CACYBP: variants seen among roughly 807,000 people sequenced by gnomAD.
CACYBP encodes the protein calcyclin-binding protein.
Under a neutral mutation model 29.6 loss-of-function variants are expected in CACYBP, and 11 were observed. The observed-to-expected ratio is 0.37, with a 90% CI of 0.23 to 0.61. The LOEUF is 0.61. CACYBP is among the 20% of genes least tolerant of loss of function. The pLI, the probability that CACYBP is intolerant of heterozygous loss-of-function variation, is 0.65. For missense variants in CACYBP, 163 were observed against 260.7 expected (o/e 0.63, Z 2.58); for synonymous variants, 73 against 88.3 (o/e 0.83, Z 0.97).
chr1:175,000,502 C>G (rs1672446908), intron 1 of CACYBP: 1 of 1,296,042 alleles, frequency 7.7e-7, no homozygotes, highest in South Asian at 1.8e-5. Context: ...TCCTCAGGCC[C>G]TTTCTGCCCT....
chr1:175,000,230 C>CA lies in CACYBP; in HGVS notation c.15+35_15+36insA, dbSNP rs759977392. On this transcript the variant is annotated intron_variant, in intron 1 of 5. Transcript: ENST00000367679. ...CCGGCCCCATATTCCTTATGCCCCCCGGCTGGAGCTGCAGCGCCAGCCTCC... is the reference window on the plus strand; with the variant it reads ...CCGGCCCCATATTCCTTATGCCCCCCAGGCTGGAGCTGCAGCGCCAGCCTCC... 5.0e-6 allele frequency: 8 copies of CA among 1,588,196 alleles called. No homozygotes were observed. In the East Asian group the frequency reaches 1.6e-4, roughly 33 times the overall value.
intron 4 of CACYBP, 26 bp from the exon 5 acceptor site, chr1:175,008,583 T>C (rs753947654): frequency 1.0e-6 from 1 of 1,002,606 alleles, no homozygotes; most frequent in South Asian, 1.3e-5. Context: ...TTCTAAGCTG[T>C]ATTTGTTTTC....
Position 175,010,238 on chromosome 1 carries a change from A to G in CACYBP, c.*159A>G, listed in dbSNP as rs1672716598. 1.7e-6 allele frequency: 1 copy of G among 580,454 alleles called. No homozygotes were observed. Among genetic ancestry groups the G allele is most frequent in the African/African-American group, 1.9e-5 (1 of 52,864 alleles). 36.0% of individuals were successfully genotyped at this position (580,454 alleles called of 1,614,324 possible). ...TTCTCCATTTCCTACTGGAGGATTT[A>G]TTTAAATAAAATATGCTTATTAAAC... On this transcript the variant is annotated 3_prime_UTR_variant, in exon 6 of 6. Coordinates refer to ENST00000367679, the MANE Select transcript of CACYBP (RefSeq NM_014412.3).
At chr1:175,000,218 C>G (rs558987623) in intron 1 of CACYBP, 23 bp downstream of exon 1, 1 of 1,598,826 alleles carries the variant, frequency 6.3e-7, no homozygotes. Context: ...GCCCCATATT[C>G]CTTATGCCCC....
chr1:175,010,325 C>G lies in CACYBP; in HGVS notation c.*246C>G. 1 of 291,250 alleles carries G rather than the reference C, an allele frequency of 3.4e-6. No individual in the cohort carries two copies. The highest frequency in any genetic ancestry group is 6.3e-6 in the Non-Finnish European group (1 of 158,364). The allele number at this position is 291,250 out of a possible 1,614,324, so 18.0% of individuals were successfully genotyped here. A position where few individuals can be genotyped will look rare whatever the true frequency, so the allele number is the denominator to read the frequency against. Reference sequence around the variant, plus strand: ...TTTTGTTCAAGGAAGGGTTATATTGCATTCTCACGTGAAATATAAAAAGCA... The same window carrying G: ...TTTTGTTCAAGGAAGGGTTATATTGGATTCTCACGTGAAATATAAAAAGCA... On this transcript the variant is annotated 3_prime_UTR_variant, in exon 6 of 6. Coordinates refer to ENST00000367679, the MANE Select transcript of CACYBP (RefSeq NM_014412.3).
chr1:175,001,732 A>G (rs1295882192), intron 1 of CACYBP, among the ~76,000 whole-genome samples: 1 of 152,106 alleles, frequency 6.6e-6, no homozygotes, highest in Admixed American at 6.5e-5. Context: ...TCATCCGTTT[A>G]TGGACATTTA....
At chr1:175,002,230 AT>A (rs1672510997) in intron 1 of CACYBP, among the ~76,000 whole-genome samples, 1 of 152,184 alleles carries the variant, frequency 6.6e-6, no homozygotes, top group South Asian at 2.1e-4. Context: ...CCTGTAAGAA[AT>A]GTTTGAAGCT....
chr1:175,008,552 A>C, intron 4 of CACYBP, 57 bp from the exon 5 acceptor site: 1 of 822,422 alleles, frequency 1.2e-6, no homozygotes, highest in South Asian at 1.4e-5. Context: ...TTTTATAAAT[A>C]TTCATGCTTA....
upstream of CACYBP, chr1:174,999,945 T>C: frequency 1.7e-6 from 1 of 586,746 alleles, no homozygotes; most frequent in Non-Finnish European, 2.9e-6. Flanking sequence ...GGAGCCAGGC[T>C]TGGCGGGCTG....
chr1:175,009,148 A>G (rs1227684046), intron 5 of CACYBP, among the ~76,000 whole-genome samples: 4 of 152,216 alleles, frequency 2.6e-5, no homozygotes, highest in Non-Finnish European at 4.4e-5. Context: ...GGTACTGACT[A>G]AATTAATTCA....
At chr1:175,000,722 T>A in intron 1 of CACYBP, 4 of 535,796 alleles carry the variant, frequency 7.5e-6, no homozygotes, top group Non-Finnish European at 9.6e-6. Context: ...TTTCATAGGG[T>A]TGTTAAAAAA....
intron 1 of CACYBP, chr1:175,000,605 T>A (rs1182622544): frequency 9.2e-7 from 1 of 1,091,768 alleles, no homozygotes; most frequent in African/African-American, 1.7e-5. Flanking sequence ...GGAAGGTGAG[T>A]TCTCAGTGCT....
intron 1 of CACYBP, 33 bp downstream of exon 1, chr1:175,000,228 C>T: frequency 6.3e-7 from 1 of 1,590,650 alleles, no homozygotes; most frequent in Non-Finnish European, 8.6e-7. Flanking sequence ...CCTTATGCCC[C>T]CCGGCTGGAG....
chr1:175,004,846 T>C lies in CACYBP; in HGVS notation c.235+13T>C. 1 of 1,538,284 alleles carries C rather than the reference T, an allele frequency of 6.5e-7. No homozygotes were observed. The highest frequency in any genetic ancestry group is 9.0e-7 in the Non-Finnish European group (1 of 1,110,778). On this transcript the variant is annotated intron_variant, in intron 2 of 5. Transcript: ENST00000367679. Reference sequence around the variant, plus strand: ...ATCAGTAATTATGGTATGACTTGCTTCCCTATAGCCAGTTCTGCCTCCGAG... The same window carrying C: ...ATCAGTAATTATGGTATGACTTGCTCCCCTATAGCCAGTTCTGCCTCCGAG...
At position 175,006,756 on chromosome 1, in the gene CACYBP, T is replaced by G. The variant is rs781361346; in HGVS notation, c.247T>G (p.Ser83Ala). 7 of 1,586,972 alleles carry G rather than the reference T, an allele frequency of 4.4e-6. No homozygotes were observed. The highest frequency in any genetic ancestry group is 6.1e-6 in the Non-Finnish European group (7 of 1,156,812). The change falls in exon 3 of 6, where the codon TCA becomes GCA. Residue 83 changes from serine (S) to alanine (A), a missense_variant. Coordinates refer to ENST00000367679, the MANE Select transcript of CACYBP (RefSeq NM_014412.3). ...GTTGTCGTTGCCAGGATGGGATCAGTCAGATAAGTTTGTGAAAATCTACAT... is the reference window on the plus strand; with the variant it reads ...GTTGTCGTTGCCAGGATGGGATCAGGCAGATAAGTTTGTGAAAATCTACAT... ...VKISNYGWDQ[S>A]DKFVKIYITL...
At chr1:175,006,548 A>G in intron 2 of CACYBP, 197 bp from the exon 3 acceptor site, 2 of 394,506 alleles carry the variant, frequency 5.1e-6, no homozygotes, top group South Asian at 5.8e-5. Context: ...TTAGATGCCT[A>G]GCTTTGGGTA....
intron 1 of CACYBP, among the ~76,000 whole-genome samples, chr1:175,002,321 A>G (rs1214537380): frequency 6.6e-6 from 1 of 152,126 alleles, no homozygotes; most frequent in African/African-American, 2.4e-5. Context: ...TTATGATACC[A>G]TCCTACTGGG....
At chr1:175,003,471 C>T (rs1672542320) in intron 1 of CACYBP, among the ~76,000 whole-genome samples, 1 of 152,114 alleles carries the variant, frequency 6.6e-6, no homozygotes, top group Non-Finnish European at 1.5e-5. Context: ...AAAACTAGGG[C>T]ATCTGAGTTA....
chr1:175,004,661 T>C lies in CACYBP; in HGVS notation c.63T>C (p.Thr21=). Reference sequence around the variant, plus strand: ...TAAAGGTGTTGCTGGAAAAGGCTACTAGGAAAAGAGTACGTGATGCCCTTA... The same window carrying C: ...TAAAGGTGTTGCTGGAAAAGGCTACCAGGAAAAGAGTACGTGATGCCCTTA... ...EEVKVLLEKA[T]RKRVRDALTA... is the part of the protein sequence containing the mutation. Residue 21 remains threonine, a synonymous_variant, in exon 2 of 6, where the codon ACT becomes ACC. Transcript: ENST00000367679. 1 of 1,612,924 alleles carries C rather than the reference T, an allele frequency of 6.2e-7. No homozygotes were observed. The highest frequency in any genetic ancestry group is 8.5e-7 in the Non-Finnish European group (1 of 1,179,588).
Sources: gnomAD v4.1 joint callset for allele counts (sites outside exome capture counted in the v4.1 genomes callset) on GRCh38, gnomAD v4.1.1 for gene constraint, MANE v1.5 for transcripts, NCBI Gene and HGNC (gene_info 2026-07-23, HGNC 2026-07-21) for gene names.